The following NCBP1 variants were observed in gnomAD, a reference collection of about 807,000 sequenced individuals.
NCBP1 encodes nuclear cap binding protein subunit 1.
Under a neutral mutation model 111.7 loss-of-function variants are expected in NCBP1, and 16 were observed. The observed-to-expected ratio is 0.14, with a 90% CI of 0.10 to 0.22. NCBP1 has a LOEUF of 0.22. Among genes scored for constraint, NCBP1 ranks in the 10% least tolerant of loss-of-function variants. The pLI, the probability that NCBP1 is intolerant of heterozygous loss-of-function variation, is 1.00. For missense variants in NCBP1, 607 were observed against 957.5 expected, an observed-to-expected ratio of 0.63 and a Z score of 4.83; for synonymous variants, 304 against 314.3, an observed-to-expected ratio of 0.97 and a Z score of 0.35.
chr9:97,660,474 T>C (rs1827801261), intron 15 of NCBP1, among the ~76,000 whole-genome samples: 1 of 152,122 alleles, frequency 6.6e-6, no homozygotes, highest in African/African-American at 2.4e-5. Context: ...AAACAAAACC[T>C]CTCTGAAGTT....
chr9:97,641,458 TGATA>T lies in NCBP1; in HGVS notation c.124-100_124-97del, dbSNP rs974005592. The T allele has an allele frequency of 1.0e-5, 9 of 860,902 alleles. No homozygotes were observed. The African/African-American group carries it at 1.7e-4, about 16-fold the overall frequency. The allele number at this position is 860,902 out of a possible 1,614,324, so 53.3% of individuals were successfully genotyped here. ...CAGATGATTGGTAATGATTTTAAAA[TGATA>T]GATTTTAAAATATGTATATATTTAC... On this transcript the variant is annotated intron_variant, in intron 2 of 22. Coordinates refer to ENST00000375147, the MANE Select transcript of NCBP1 (RefSeq NM_002486.5).
intron 18 of NCBP1, 71 bp downstream of exon 18, chr9:97,663,118 A>T (rs1170678564): frequency 1.7e-6 from 2 of 1,192,038 alleles, no homozygotes; most frequent in Non-Finnish European, 2.4e-6. Flanking sequence ...GTTAATTGCC[A>T]TTGTTTTGTT....
chr9:97,656,704 C>T (rs1056126222), intron 14 of NCBP1, among the ~76,000 whole-genome samples: 1 of 152,166 alleles, frequency 6.6e-6, no homozygotes, highest in Non-Finnish European at 1.5e-5. Flanking sequence ...ACTCCCTTTT[C>T]GTCTCTCCCT....
chr9:97,655,917 T>C (rs913709975), intron 13 of NCBP1, 94 bp from the exon 14 acceptor site: 34 of 1,378,210 alleles, frequency 2.5e-5, no homozygotes, highest in Non-Finnish European at 3.3e-5. Flanking sequence ...TAACAAAACT[T>C]GTAAGTTGTT....
chr9:97,654,844 A>G, intron 11 of NCBP1, 36 bp from the exon 12 acceptor site: 2 of 1,583,402 alleles, frequency 1.3e-6, no homozygotes, highest in Non-Finnish European at 8.7e-7. Context: ...TTTGGGATAA[A>G]AGTGGAGAAT....
intron 1 of NCBP1, among the ~76,000 whole-genome samples, chr9:97,636,202 T>G (rs772499739): frequency 6.6e-6 from 1 of 152,180 alleles, no homozygotes; most frequent in Non-Finnish European, 1.5e-5. Flanking sequence ...CGCTGGAGTT[T>G]ACCCTACACA....
rs377027165 is a variant in NCBP1, at chr9:97,636,637, C to CATATATATATAT, written c.34+2748_34+2759dup. On this transcript the variant is annotated intron_variant, in intron 1 of 22. Transcript: ENST00000375147. ...AGAAGCAAGCATATGGAAAGTAATACATATATATATATATATATATATATA... is the reference window on the plus strand; with the variant it reads ...AGAAGCAAGCATATGGAAAGTAATACATATATATATATATATATATATATATATATATATATA... Among the ~76,000 whole-genome samples, 112 of 111,238 alleles carry CATATATATATAT rather than the reference C, an allele frequency of 1.0e-3. 3 individuals are homozygous for CATATATATATAT. The highest frequency in any genetic ancestry group is 3.3e-3 in the East Asian group (11 of 3,296). 73.0% of individuals were successfully genotyped at this position (111,238 alleles called of 152,430 possible).
intron 16 of NCBP1, 51 bp from the exon 17 acceptor site, chr9:97,661,991 A>G: frequency 7.6e-7 from 1 of 1,315,400 alleles, no homozygotes; most frequent in East Asian, 2.3e-5. Flanking sequence ...GTAAGGCACC[A>G]AGGAATTGCT....
Position 97,673,267 on chromosome 9 carries a change from G to T in NCBP1, c.*2068G>T, listed in dbSNP as rs531885107. The T allele has an allele frequency of 2.0e-5, 3 of 152,298 alleles. No homozygotes were observed. The East Asian group carries it at 5.8e-4, about 29-fold the overall frequency. The allele number at this position is 152,298 out of a possible 1,614,324, so 9.4% of individuals were successfully genotyped here. The stretch of plus-strand genomic sequence containing the variant: ...ACATGCAAATTTTTTACTGTGCGGG[G>T]TGTCAGCATCCCTAACCCCATGTTG... On this transcript the variant is annotated 3_prime_UTR_variant, in exon 23 of 23. Transcript: ENST00000375147.
At chr9:97,666,733 T>C in intron 19 of NCBP1, 30 bp from the exon 20 acceptor site, 1 of 1,409,304 alleles carries the variant, frequency 7.1e-7, no homozygotes, top group Non-Finnish European at 9.8e-7. Flanking sequence ...TAGCTTGACA[T>C]ACAGTAACCA....
chr9:97,643,168 T>G (rs770085282), intron 3 of NCBP1, 36 bp from the exon 4 acceptor site: 1 of 1,546,066 alleles, frequency 6.5e-7, no homozygotes. Context: ...CGCCATTGTT[T>G]TGGGGTTTTC....
chr9:97,658,759 A>T lies in NCBP1; in HGVS notation c.1477+16A>T. The T allele has an allele frequency of 2.6e-6, 4 of 1,533,158 alleles. No individual in the cohort carries two copies. The highest frequency in any genetic ancestry group is 3.6e-6 in the Non-Finnish European group (4 of 1,106,934). 95.0% of individuals were successfully genotyped at this position (1,533,158 alleles called of 1,614,324 possible). ...GAAAGTAGCAGTAAGTAATGAAACTAATCCCTCTGTCTTTAAAAGGTACCA... is the reference window on the plus strand; with the variant it reads ...GAAAGTAGCAGTAAGTAATGAAACTTATCCCTCTGTCTTTAAAAGGTACCA... On this transcript the variant is annotated intron_variant, in intron 15 of 22. Transcript: ENST00000375147.
chr9:97,654,577 AAG>A (rs1491352006), intron 11 of NCBP1, among the ~76,000 whole-genome samples: 4 of 148,092 alleles, frequency 2.7e-5, no homozygotes, highest in East Asian at 2.5e-4. Context: ...AAAAAAAAAA[AAG>A]AAGCAATTTC....
chr9:97,661,956 A>G (rs1181682771), intron 16 of NCBP1, 86 bp from the exon 17 acceptor site: 1 of 870,278 alleles, frequency 1.1e-6, no homozygotes, highest in Non-Finnish European at 1.9e-6. Flanking sequence ...TATAGATGTG[A>G]GCAACCATCT....
rs761922914 is a variant in NCBP1 at position 97,669,585 on chromosome 9, C to G, written c.2146-8C>G. On this transcript the variant is annotated splice_region_variant and splice_polypyrimidine_tract_variant and intron_variant, in intron 21 of 22. Transcript: ENST00000375147. ...GTAGTACTACCTTAACTTCTTCTCC[C>G]TTTCCAGCGGTTTATCATGATCTTG... The G allele has an allele frequency of 1.3e-5, 20 of 1,586,302 alleles. No homozygotes were observed. The highest frequency in any genetic ancestry group is 2.2e-5 in the South Asian group (2 of 90,524).
chr9:97,662,691 C>T (rs533968041), intron 17 of NCBP1, among the ~76,000 whole-genome samples: 1 of 152,326 alleles, frequency 6.6e-6, no homozygotes, highest in African/African-American at 2.4e-5. Flanking sequence ...TGTTTGAAGA[C>T]AGTTCCTTAG....
At position 97,647,525 on chromosome 9, in the gene NCBP1, G is replaced by A. The variant is rs778359538; in HGVS notation, c.645G>A (p.Gln215=). The A allele has an allele frequency of 9.3e-6, 15 of 1,613,206 alleles. No homozygotes were observed. The African/African-American group carries it at 2.0e-4, about 22-fold the overall frequency. The change falls in exon 7 of 23, where the codon CAG becomes CAA. Residue 215 remains glutamine (Q), a synonymous_variant. Coordinates refer to ENST00000375147, the MANE Select transcript of NCBP1 (RefSeq NM_002486.5). ...RRQKTHVPML[Q]VWTADKPHPQ... ...AAAAGACTCATGTACCCATGTTACA[G>A]GTATGGACTGCTGATAAACCACATC...
chr9:97,661,148 G>A (rs1157469661), intron 16 of NCBP1, 80 bp downstream of exon 16: 2 of 1,549,662 alleles, frequency 1.3e-6, no homozygotes, highest in African/African-American at 2.7e-5. Context: ...GCAACATGAT[G>A]CTCTTAAAGC....
At chr9:97,662,684 T>C (rs1220405279) in intron 17 of NCBP1, among the ~76,000 whole-genome samples, 1 of 152,204 alleles carries the variant, frequency 6.6e-6, no homozygotes, top group Non-Finnish European at 1.5e-5. Context: ...TTCACCATGT[T>C]TGAAGACAGT....
Sources: allele counts gnomAD v4.1 joint callset (sites outside exome capture counted in the v4.1 genomes callset), GRCh38; gene constraint gnomAD v4.1.1; transcripts MANE v1.5; gene names NCBI Gene and HGNC (gene_info 2026-07-23, HGNC 2026-07-21).